XAF1: variants seen among roughly 807,000 people sequenced by gnomAD.
The protein encoded by XAF1 is XIAP associated factor 1.
A neutral mutation model predicts 32.3 loss-of-function variants in XAF1; 32 were observed. The observed-to-expected ratio is 0.99, with a 90% CI of 0.75 to 1.33. The LOEUF is 1.33. Ranked by LOEUF, XAF1 falls within the 40% of genes most tolerant of loss-of-function variation. The pLI, the probability that XAF1 is intolerant of heterozygous loss-of-function variation, is 0.00. For missense variants in XAF1, 379 were observed against 366.0 expected (o/e 1.04, Z -0.29); for synonymous variants, 120 against 125.9 (o/e 0.95, Z 0.31).
intron 4 of XAF1, 136 bp from the exon 5 acceptor site, chr17:6,762,019 G>C: frequency 6.5e-7 from 1 of 1,544,914 alleles, no homozygotes; most frequent in Non-Finnish European, 8.7e-7. Flanking sequence ...TGCCGGCAGC[G>C]CAGGAAAGTC....
intron 5 of XAF1, among the ~76,000 whole-genome samples, chr17:6,770,197 G>T (rs1312509241): frequency 6.6e-6 from 1 of 152,220 alleles, no homozygotes; most frequent in African/African-American, 2.4e-5. Flanking sequence ...AGACTGGGAA[G>T]TTCAAGATCA....
intron 6 of XAF1, chr17:6,771,485 C>T (rs1027480173): frequency 4.6e-5 from 7 of 152,334 alleles, no homozygotes; most frequent in African/African-American, 1.7e-4. Context: ...ATTTTTATGT[C>T]CTAGGTTATT....
At chr17:6,759,800 T>C (rs751041432) in intron 3 of XAF1, 82 bp downstream of exon 3, 3 of 1,605,510 alleles carry the variant, frequency 1.9e-6, no homozygotes, top group Non-Finnish European at 2.5e-6. Context: ...GGGAGGCCAG[T>C]AATAGAGATT....
chr17:6,765,459 A>G (rs1376928898), intron 5 of XAF1, among the ~76,000 whole-genome samples: 6 of 152,196 alleles, frequency 3.9e-5, no homozygotes, highest in Non-Finnish European at 7.3e-5. Flanking sequence ...TTAAAAAGCC[A>G]TATGTAGTCA....
At position 6,758,158 on chromosome 17, in the gene XAF1, T is replaced by A; in HGVS notation, c.102T>A (p.Cys34Ter). 1.2e-6 allele frequency: 2 copies of A among 1,614,242 alleles called. No individual in the cohort carries two copies. The highest frequency in any genetic ancestry group is 1.7e-6 in the Non-Finnish European group (2 of 1,180,044). The change falls in exon 2 of 7, where the codon TGT (cysteine) becomes TGA (stop). Residue 34 changes from cysteine to a stop codon, truncating the protein, a stop_gained. Coordinates refer to ENST00000361842, the MANE Select transcript of XAF1 (RefSeq NM_017523.5). LOFTEE classifies it high-confidence loss of function. ...ACTGCCTGCGGTTCCTGGTCCTGTG[T>A]CCGGAGTGTGAGGAGCCTGTCCCCA... ...EAYCLRFLVL[C>*]PECEEPVPKE...
chr17:6,761,923 GGTT>G, intron 4 of XAF1: 1 of 1,506,092 alleles, frequency 6.6e-7, no homozygotes, highest in South Asian at 1.2e-5. Flanking sequence ...TCTCCATTAC[GGTT>G]GCTGCTGCCC....
chr17:6,760,358 A>AG, intron 3 of XAF1, 48 bp from the exon 4 acceptor site: 2 of 1,492,414 alleles, frequency 1.3e-6, no homozygotes, highest in Non-Finnish European at 1.8e-6. Context: ...AAAAAAAAAA[A>AG]AAAAAAAAAA....
upstream of XAF1, chr17:6,755,487 AG>A (rs1170235806): frequency 1.0e-5 from 10 of 987,430 alleles, no homozygotes; most frequent in Non-Finnish European, 1.1e-5. Context: ...AGCTGTTTCT[AG>A]GGTCTGGAAA....
chr17:6,773,084 A>G (rs769269962), intron 6 of XAF1, 29 bp from the exon 7 acceptor site: 35 of 1,597,002 alleles, frequency 2.2e-5, no homozygotes, highest in South Asian at 7.9e-5. Flanking sequence ...CTTTAACCAT[A>G]TCAAACTTTT....
Position 6,774,299 on chromosome 17 carries a change from CA to C in XAF1, c.*1135del, listed in dbSNP as rs1976272899. 6.6e-6 allele frequency: 1 copy of C among 152,116 alleles called. No individual in the cohort carries two copies. Among genetic ancestry groups the C allele is most frequent in the African/African-American group, 2.4e-5 (1 of 41,414 alleles). 9.4% of individuals were successfully genotyped at this position (152,116 alleles called of 1,614,324 possible). On this transcript the variant is annotated 3_prime_UTR_variant, in exon 7 of 7. Coordinates refer to ENST00000361842, the MANE Select transcript of XAF1 (RefSeq NM_017523.5). ...ACCATCTAATCTTTGACAAAGTTGA[CA>C]AAAATACGCAATGGGGAAAGAATTC...
At chr17:6,762,558 AC>A (rs1226790657) in intron 5 of XAF1, among the ~76,000 whole-genome samples, 1 of 152,134 alleles carries the variant, frequency 6.6e-6, no homozygotes, top group Non-Finnish European at 1.5e-5. Context: ...GGCCTGTCTT[AC>A]TGTTTTCGGT....
chr17:6,756,192 C>A lies in XAF1; in HGVS notation c.32+82C>A, dbSNP rs1974639406. The A allele has an allele frequency of 1.9e-6, 3 of 1,599,428 alleles. No individual in the cohort carries two copies. In the Admixed American group the frequency reaches 5.1e-5, roughly 27 times the overall value. On this transcript the variant is annotated intron_variant, in intron 1 of 6. Transcript: ENST00000361842. ...GACATAGGGCTGTTTCTGAAGGGAG[C>A]AGAAAGTGGTTCCTGCATAAGAACA... is the stretch of plus-strand genomic sequence containing the variant.
At chr17:6,759,467 T>G in intron 2 of XAF1, 195 bp from the exon 3 acceptor site, 1 of 1,425,428 alleles carries the variant, frequency 7.0e-7, no homozygotes, top group Non-Finnish European at 9.1e-7. Flanking sequence ...CAACTCAGAC[T>G]GGTCTGACAA....
At chr17:6,758,879 A>G (rs559120676) in intron 2 of XAF1, 4 of 212,556 alleles carry the variant, frequency 1.9e-5, no homozygotes, top group Non-Finnish European at 3.9e-5. Flanking sequence ...GGGATCTGGG[A>G]GTCACAGAGT....
chr17:6,762,112 G>A (rs1397823466), intron 4 of XAF1, 43 bp from the exon 5 acceptor site: 1 of 1,611,186 alleles, frequency 6.2e-7, no homozygotes, highest in Non-Finnish European at 8.5e-7. Flanking sequence ...GCTAGCCGTT[G>A]ACAAGGACAA....
chr17:6,761,817 G>C, intron 4 of XAF1: 1 of 1,334,254 alleles, frequency 7.5e-7, no homozygotes, highest in South Asian at 1.3e-5. Context: ...GAAAACTGGT[G>C]CAATGAAAGA....
At position 6,756,107 on chromosome 17, in the gene XAF1, A is replaced by G. The variant is rs1974630481; in HGVS notation, c.29A>G (p.Asn10Ser). Residue 10 changes from asparagine (N) to serine (S), a missense_variant, in exon 1 of 7, where the codon AAC (asparagine) becomes AGC (serine). Asn to Ser is a conservative substitution (Grantham distance 46). Transcript: ENST00000361842. MEGDFSVCR[N>S]CKRHVVSANF... ...GAAGGAGACTTCTCGGTGTGCAGGAACTGGTAAGAAAGTGCTTTCTCCAGC... is the reference window on the plus strand; with the variant it reads ...GAAGGAGACTTCTCGGTGTGCAGGAGCTGGTAAGAAAGTGCTTTCTCCAGC... 6.2e-7 allele frequency: 1 copy of G among 1,613,996 alleles called. No homozygotes were observed.
Position 6,773,290 on chromosome 17 carries a change from A to G in XAF1, c.*121A>G, listed in dbSNP as rs1597763622. 1.1e-6 allele frequency: 1 copy of G among 889,584 alleles called. No individual in the cohort carries two copies. Among genetic ancestry groups the G allele is most frequent in the East Asian group, 3.0e-5 (1 of 33,488 alleles). The allele number at this position is 889,584 out of a possible 1,614,324, so 55.1% of individuals were successfully genotyped here. On this transcript the variant is annotated 3_prime_UTR_variant, in exon 7 of 7. Transcript: ENST00000361842. Reference sequence around the variant, plus strand: ...GGTTTTATTCGTTGGGCTTTAAAAGAAAAGGTTTGGCAGAACTAAAAACAA... The same window carrying G: ...GGTTTTATTCGTTGGGCTTTAAAAGGAAAGGTTTGGCAGAACTAAAAACAA...
Position 6,760,452 on chromosome 17 carries a change from T to C in XAF1, c.272T>C (p.Leu91Pro). Residue 91 changes from leucine (L) to proline (P), a missense_variant, in exon 4 of 7, where the codon CTG (leucine) becomes CCG (proline). Coordinates refer to ENST00000361842, the MANE Select transcript of XAF1 (RefSeq NM_017523.5). ...ERPVECKFCK[L>P]DMQLSKLELH... is the part of the protein sequence containing the mutation. ...CCTGTTGAGTGTAAGTTCTGCAAAC[T>C]GGACATGCAGCTCAGCAAGCTGGAG... is the stretch of plus-strand genomic sequence containing the variant. 1 of 1,612,340 alleles carries C rather than the reference T, an allele frequency of 6.2e-7. No individual in the cohort carries two copies. The highest frequency in any genetic ancestry group is 8.5e-7 in the Non-Finnish European group (1 of 1,179,460).
Sources: gnomAD v4.1 joint callset for allele counts (sites outside exome capture counted in the v4.1 genomes callset) on GRCh38, gnomAD v4.1.1 for gene constraint, MANE v1.5 for transcripts, NCBI Gene and HGNC (gene_info 2026-07-23, HGNC 2026-07-21) for gene names.